Variants in LCK observed in about 807,000 individuals in gnomAD.
LCK encodes tyrosine-protein kinase Lck.
A neutral mutation model predicts 64.6 loss-of-function variants in LCK; 14 were observed. That is an observed-to-expected ratio of 0.22 (90% CI 0.14 to 0.34). LCK has a LOEUF of 0.34. Among genes scored for constraint, LCK ranks in the 10% least tolerant of loss-of-function variants. The probability of loss-of-function intolerance (pLI) is 1.00; values close to 1 mark genes in which losing one functional copy is unlikely to be tolerated. For synonymous variants in LCK, 277 were observed against 263.6 expected, an observed-to-expected ratio of 1.05 and a Z score of -0.49; for missense variants, 434 against 668.1, an observed-to-expected ratio of 0.65 and a Z score of 3.86.
intron 1 of LCK, among the ~76,000 whole-genome samples, chr1:32,252,452 T>C (rs943698757): frequency 6.6e-6 from 1 of 152,224 alleles, no homozygotes; most frequent in Non-Finnish European, 1.5e-5. Context: ...AGGTTTCCCC[T>C]GCTTCGTTGG....
chr1:32,277,817 C>T lies in LCK; in HGVS notation c.964+1031C>T, dbSNP rs80157156. ...CTGCCATGGTTTCCTACTATAATAA[C>T]GCGTTAGTAACTTCCTCACAGGGTC... On this transcript the variant is annotated intron_variant, in intron 9 of 12. Transcript: ENST00000336890. 5.5e-3 allele frequency among the ~76,000 whole-genome samples: 836 copies of T among 152,156 alleles called. 5 individuals are homozygous for T. The highest frequency in any genetic ancestry group is 8.3e-3 in the Non-Finnish European group (565 of 68,026).
Position 32,276,115 on chromosome 1 carries a change from G to A in LCK, c.631+52G>A. The A allele has an allele frequency of 6.3e-7, 1 of 1,596,840 alleles. No individual in the cohort carries two copies. Among genetic ancestry groups the A allele is most frequent in the Non-Finnish European group, 8.6e-7 (1 of 1,166,882 alleles). On this transcript the variant is annotated intron_variant, in intron 7 of 12. Transcript: ENST00000336890. This position sits in a 1 kb window ranked among gnomAD's most constrained non-coding sequence, Gnocchi z 4.6. ...TGCCCTATCAGCCTATCTCCCCTCA[G>A]TCCCCCTCAGGTGTCCCCCATCCAT...
chr1:32,265,402 C>T (rs989400170), intron 1 of LCK, among the ~76,000 whole-genome samples: 3 of 152,184 alleles, frequency 2.0e-5, no homozygotes, highest in Non-Finnish European at 4.4e-5. Context: ...TCTGGCATTG[C>T]CAGATCCTAT....
intron 12 of LCK, among the ~76,000 whole-genome samples, chr1:32,282,165 C>G (rs955329453): frequency 6.6e-6 from 1 of 152,206 alleles, no homozygotes; most frequent in Non-Finnish European, 1.5e-5. Context: ...AGGGGTAGTG[C>G]TGGAGCTGGA....
At chr1:32,265,830 T>G (rs1311437360) in intron 1 of LCK, among the ~76,000 whole-genome samples, 1 of 152,168 alleles carries the variant, frequency 6.6e-6, no homozygotes, top group Non-Finnish European at 1.5e-5. Flanking sequence ...CTCCTCCTTC[T>G]TCTTCCTCTT....
At position 32,285,655 on chromosome 1, in the gene LCK, T is replaced by G; in HGVS notation, c.1469T>G (p.Leu490Arg). 1 of 1,613,992 alleles carries G rather than the reference T, an allele frequency of 6.2e-7. No homozygotes were observed. The highest frequency in any genetic ancestry group is 8.5e-7 in the Non-Finnish European group (1 of 1,179,948). Residue 490 changes from leucine to arginine, a missense_variant, in exon 13 of 13, where the codon CTG becomes CGG. Physicochemically the swap from Leu to Arg is moderately radical, Grantham distance 102 (BLOSUM62 -2). Around this residue, in one of 2 missense-constraint regions of LCK, gnomAD observed 201 missense variants for 376.9 expected, o/e 0.53. Coordinates refer to ENST00000336890, the MANE Select transcript of LCK (RefSeq NM_005356.5). ...GAGGACCGGCCCACCTTTGACTACC[T>G]GCGCAGTGTGCTGGAGGACTTCTTC... ...RPEDRPTFDY[L>R]RSVLEDFFTA...
intron 1 of LCK, among the ~76,000 whole-genome samples, chr1:32,259,480 T>C (rs965040152): frequency 2.1e-4 from 32 of 150,480 alleles, no homozygotes; most frequent in Middle Eastern, 3.4e-3. Context: ...ATTAGCCAGG[T>C]GTGGTGGCAC....
chr1:32,270,463 C>T (rs1321517154), intron 1 of LCK, among the ~76,000 whole-genome samples: 15 of 150,534 alleles, frequency 1.0e-4, no homozygotes, highest in African/African-American at 2.9e-4. Flanking sequence ...GGCTTGATCT[C>T]GGCTCACTGC....
chr1:32,260,905 A>G (rs1368424516), intron 1 of LCK, among the ~76,000 whole-genome samples: 1 of 152,174 alleles, frequency 6.6e-6, no homozygotes, highest in Non-Finnish European at 1.5e-5. Context: ...TACTGGCGTG[A>G]GCCATTGCAT....
rs1289935857 is a variant in LCK, at chr1:32,266,050, C to T, written c.-5-8275C>T. On this transcript the variant is annotated intron_variant, in intron 1 of 12. Transcript: ENST00000336890. ...TCACGGCTCACTGCCGCCTCAACCT[C>T]CCAGGCTCAAGTGATCCTCCCCACT... is the stretch of plus-strand genomic sequence containing the variant. Among the ~76,000 whole-genome samples, 3 of 152,154 alleles carry T rather than the reference C, an allele frequency of 2.0e-5. No homozygotes were observed. In the East Asian group the frequency reaches 5.8e-4, roughly 29 times the overall value.
chr1:32,265,569 C>T (rs1193339079), intron 1 of LCK, among the ~76,000 whole-genome samples: 3 of 152,190 alleles, frequency 2.0e-5, no homozygotes, highest in South Asian at 2.1e-4. Flanking sequence ...CATAGGCTGA[C>T]TTTTTCTCAC....
chr1:32,274,968 T>G, intron 3 of LCK, 25 bp from the exon 4 acceptor site: 2 of 1,614,186 alleles, frequency 1.2e-6, no homozygotes, highest in Non-Finnish European at 1.7e-6. Context: ...AGCTCGGTTC[T>G]CCCTGATGCC....
Position 32,275,543 on chromosome 1 carries a change from C to T in LCK, c.378-26C>T, listed in dbSNP as rs371409232. On this transcript the variant is annotated intron_variant, in intron 5 of 12. Transcript: ENST00000336890. This position sits in a 1 kb window ranked among gnomAD's most constrained non-coding sequence, Gnocchi z 6.9. ...AGGAAGATCCGACGACAGCCGACGG[C>T]CTTCGTTCGCTTCCGCCCTGCACAG... 16 of 1,558,358 alleles carry T rather than the reference C, an allele frequency of 1.0e-5. No individual in the cohort carries two copies. In the Middle Eastern group the frequency reaches 5.0e-4, roughly 49 times the overall value.
At chr1:32,274,511 A>G (rs534031004) in intron 2 of LCK, 77 bp downstream of exon 2, 3 of 1,229,162 alleles carry the variant, frequency 2.4e-6, no homozygotes, top group African/African-American at 1.5e-5. Flanking sequence ...GACCAGCACT[A>G]CAGGCCCTTG....
In LCK at chr1:32,274,978, C is replaced by A; in HGVS notation, c.188-15C>A. The A allele has an allele frequency of 1.2e-6, 2 of 1,614,152 alleles. No individual in the cohort carries two copies. The highest frequency in any genetic ancestry group is 1.7e-6 in the Non-Finnish European group (2 of 1,180,004). On this transcript the variant is annotated splice_polypyrimidine_tract_variant and intron_variant, in intron 3 of 12. Transcript: ENST00000336890. ...ATCCCAGCTCGGTTCTCCCTGATGC[C>A]CCTTGTCTTTACAGACAACCTGGTT...
rs1482862621 is a variant in LCK at position 32,285,784 on chromosome 1, G to A, written c.*68G>A. The stretch of plus-strand genomic sequence containing the variant: ...CCTGACTTGGGGAGATGGAGTTCTT[G>A]TGCCATAGTCACATGGCCTATGCAC... On this transcript the variant is annotated 3_prime_UTR_variant, in exon 13 of 13. Coordinates refer to ENST00000336890, the MANE Select transcript of LCK (RefSeq NM_005356.5). 5 of 1,504,266 alleles carry A rather than the reference G, an allele frequency of 3.3e-6. No individual in the cohort carries two copies. The highest frequency in any genetic ancestry group is 3.6e-6 in the Non-Finnish European group (4 of 1,107,562). 93.2% of individuals were successfully genotyped at this position (1,504,266 alleles called of 1,614,324 possible).
At chr1:32,277,426 C>A (rs1050534175) in intron 9 of LCK, among the ~76,000 whole-genome samples, 5 of 151,910 alleles carry the variant, frequency 3.3e-5, no homozygotes, top group Non-Finnish European at 5.9e-5. Context: ...GGTCCCTAGC[C>A]CTGTTTCTCT....
chr1:32,280,606 C>T (rs1640429070), intron 12 of LCK, among the ~76,000 whole-genome samples: 1 of 151,808 alleles, frequency 6.6e-6, no homozygotes, highest in Non-Finnish European at 1.5e-5. Flanking sequence ...CAGGTACGTG[C>T]CACCATGCGC....
At chr1:32,274,469 T>C (rs113388214) in intron 2 of LCK, 35 bp downstream of exon 2, 2 of 1,555,302 alleles carry the variant, frequency 1.3e-6, no homozygotes, top group African/African-American at 2.7e-5. Flanking sequence ...GTGAGGGAGT[T>C]GGGTAGAGAA....
Sources: gnomAD v4.1 joint callset for allele counts (sites outside exome capture counted in the v4.1 genomes callset) on GRCh38, gnomAD v4.1.1 for gene constraint, gnomAD v4.1.1 regional missense constraint, Gnocchi (gnomAD v3.1) non-coding constraint, MANE v1.5 for transcripts, NCBI Gene and HGNC (gene_info 2026-07-23, HGNC 2026-07-21) for gene names.